TSPAN15: variants seen among roughly 807,000 people sequenced by gnomAD.
TSPAN15 encodes tetraspanin 15.
A neutral mutation model predicts 34.5 loss-of-function variants in TSPAN15; 20 were observed. The ratio of observed to expected loss-of-function variants is 0.58; its 90% CI spans 0.41 to 0.84. The LOEUF (loss-of-function observed/expected upper bound fraction) is 0.84, where lower values mean the gene tolerates loss of function less well. Among genes scored for constraint, TSPAN15 ranks in the 40% least tolerant of loss-of-function variants. The pLI, the probability that TSPAN15 is intolerant of heterozygous loss-of-function variation, is 0.00. For synonymous variants in TSPAN15, 155 were observed against 153.9 expected (o/e 1.01, Z -0.05); for missense variants, 313 against 386.1 (o/e 0.81, Z 1.59).
Position 69,451,646 on chromosome 10 carries a change from C to T in TSPAN15, c.52C>T (p.Leu18Phe). ...GCGCTACTGCGCGCGCTTCTCCTAC[C>T]TCTGGCTCAAGTTTTCACTTATCAT... ...QVRYCARFSY[L>F]WLKFSLIIYS... The change falls in exon 1 of 8, where the codon CTC (leucine) becomes TTC (phenylalanine). Residue 18 changes from leucine to phenylalanine, a missense_variant. Transcript: ENST00000373290. 1 of 1,547,660 alleles carries T rather than the reference C, an allele frequency of 6.5e-7. No individual in the cohort carries two copies. The highest frequency in any genetic ancestry group is 1.4e-5 in the African/African-American group (1 of 72,434).
the TSPAN15 span, chr10:69,523,546 G>T: frequency 2.4e-6 from 1 of 415,438 alleles, no homozygotes. Context: ...CTTCCCAGAG[G>T]CATCTGGGAA....
At chr10:69,455,629 C>CT (rs1177575713) in intron 1 of TSPAN15, among the ~76,000 whole-genome samples, 10 of 101,360 alleles carry the variant, frequency 9.9e-5, no homozygotes, top group Non-Finnish European at 1.7e-4. Context: ...TCTCTCTCCC[C>CT]CCCCCGTCTC....
At chr10:69,527,240 A>G in the TSPAN15 span, among the ~76,000 whole-genome samples, 1 of 147,942 alleles carries the variant, frequency 6.8e-6, no homozygotes, top group Non-Finnish European at 1.5e-5. Context: ...CGTTGGAAAA[A>G]GAATTGTCTT....
chr10:69,504,024 T>C (rs576284594), intron 5 of TSPAN15, among the ~76,000 whole-genome samples: 1 of 152,330 alleles, frequency 6.6e-6, no homozygotes, highest in South Asian at 2.1e-4. Context: ...CAGCTGACCC[T>C]GTGCCAGCTG....
At chr10:69,493,128 C>G (rs1842003032) in intron 3 of TSPAN15, among the ~76,000 whole-genome samples, 1 of 152,242 alleles carries the variant, frequency 6.6e-6, no homozygotes, top group African/African-American at 2.4e-5. Flanking sequence ...GCTGGCCTGT[C>G]CCTTCATCAC....
intron 1 of TSPAN15, among the ~76,000 whole-genome samples, chr10:69,475,802 C>A (rs1841602547): frequency 6.6e-6 from 1 of 152,110 alleles, no homozygotes; most frequent in Non-Finnish European, 1.5e-5. Context: ...CACCTTTGAA[C>A]TGATGAACCC....
Position 69,486,153 on chromosome 10 carries a change from GGCACATAGTGGTCAAGGCCCCACAAGAA to G in TSPAN15, c.357+941_357+968del, listed in dbSNP as rs1841848741. 2.0e-5 allele frequency among the ~76,000 whole-genome samples: 3 copies of G among 152,344 alleles called. No individual in the cohort carries two copies. In the South Asian group the frequency reaches 6.2e-4, roughly 32 times the overall value. On this transcript the variant is annotated intron_variant, in intron 3 of 7. Coordinates refer to ENST00000373290, the MANE Select transcript of TSPAN15 (RefSeq NM_012339.5). ...CCTGTGAAGGACTGGGCACGGTTCT[GGCACATAGTGGTCAAGGCCCCACAAGAA>G]GCTGGTGGTGGAGCAGGGCTGACTC...
the TSPAN15 span, among the ~76,000 whole-genome samples, chr10:69,530,780 C>CTCTCTT: frequency 0.02 from 779 of 39,140 alleles, 66 homozygotes; most frequent in East Asian, 0.043. Context: ...CAGAGTGAGA[C>CTCTCTT]TCTCTCTCTC....
the TSPAN15 span, among the ~76,000 whole-genome samples, chr10:69,522,831 A>G: frequency 5.3e-3 from 782 of 147,934 alleles, 44 homozygotes; most frequent in African/African-American, 0.018. Flanking sequence ...GGGACCGCTG[A>G]GATATATGAT....
At chr10:69,485,008 G>T in intron 2 of TSPAN15, 133 bp from the exon 3 acceptor site, 1 of 824,100 alleles carries the variant, frequency 1.2e-6, no homozygotes, top group East Asian at 2.5e-5. Flanking sequence ...GGGGGCAGAG[G>T]CCTAGGAGCT....
the TSPAN15 span, among the ~76,000 whole-genome samples, chr10:69,538,341 A>G: frequency 1.3e-5 from 2 of 152,162 alleles, no homozygotes; most frequent in Non-Finnish European, 2.9e-5. Flanking sequence ...TCCTCCCAGG[A>G]CCCTGGCTTT....
At chr10:69,535,176 A>G in the TSPAN15 span, among the ~76,000 whole-genome samples, 1 of 152,204 alleles carries the variant, frequency 6.6e-6, no homozygotes, top group Non-Finnish European at 1.5e-5. Context: ...ATAGCACTGA[A>G]ATACCCTTTC....
At position 69,451,475 on chromosome 10, in the gene TSPAN15, G is replaced by T; in HGVS notation, c.-120G>T. The T allele has an allele frequency of 7.7e-7, 1 of 1,301,160 alleles. No homozygotes were observed. Among genetic ancestry groups the T allele is most frequent in the Non-Finnish European group, 9.8e-7 (1 of 1,025,090 alleles). 80.6% of individuals were successfully genotyped at this position (1,301,160 alleles called of 1,614,324 possible). On this transcript the variant is annotated 5_prime_UTR_variant, in exon 1 of 8. Transcript: ENST00000373290. ...TTGCCGCGCTCCAGTGTCAGTCCCG[G>T]AGAGAACGCCGGTGGCGGGGCTGGT...
chr10:69,470,900 T>C (rs2133086905), intron 1 of TSPAN15, among the ~76,000 whole-genome samples: 1 of 152,276 alleles, frequency 6.6e-6, no homozygotes, highest in East Asian at 1.9e-4. Context: ...TCCCCCTTGC[T>C]GTTTCTTGAA....
At chr10:69,530,150 GC>G in the TSPAN15 span, among the ~76,000 whole-genome samples, 3 of 147,516 alleles carry the variant, frequency 2.0e-5, no homozygotes, top group Admixed American at 2.1e-4. Context: ...CAAGGTCATT[GC>G]AAAAGAAGAT....
At chr10:69,483,982 CCTCCTTTAGAGAG>C in intron 2 of TSPAN15, 106 bp downstream of exon 2, 1 of 1,263,936 alleles carries the variant, frequency 7.9e-7, no homozygotes, top group Non-Finnish European at 1.1e-6. Context: ...CCTCAAACCA[CCTCCTTTAGAGAG>C]CTCCTTAGAT....
intron 1 of TSPAN15, among the ~76,000 whole-genome samples, chr10:69,457,468 T>G (rs1841138736): frequency 6.6e-6 from 1 of 152,138 alleles, no homozygotes; most frequent in African/African-American, 2.4e-5. Context: ...GGTAGGACTT[T>G]CAAGTGGGTA....
chr10:69,506,112 C>T lies in TSPAN15; in HGVS notation c.619-12C>T, dbSNP rs770966373. The T allele has an allele frequency of 6.2e-7, 1 of 1,612,476 alleles. No homozygotes were observed. Among genetic ancestry groups the T allele is most frequent in the Admixed American group, 1.7e-5 (1 of 59,952 alleles). ...GTCCTCTGCTGGGCTGACCCAGCTC[C>T]TTCCCATGCAGCGTTTCAGTGTGCA... On this transcript the variant is annotated splice_polypyrimidine_tract_variant and intron_variant, in intron 6 of 7. Transcript: ENST00000373290. The surrounding 1 kb of genome is among the most constrained non-coding windows in gnomAD (Gnocchi z 4.7).
chr10:69,488,498 C>T (rs548698211), intron 3 of TSPAN15, among the ~76,000 whole-genome samples: 3 of 152,254 alleles, frequency 2.0e-5, no homozygotes, highest in South Asian at 4.2e-4. Flanking sequence ...AAAGTCAGAA[C>T]AAGTCATTAG....
Sources: gnomAD v4.1 joint callset for allele counts (sites outside exome capture counted in the v4.1 genomes callset) on GRCh38, gnomAD v4.1.1 for gene constraint, Gnocchi (gnomAD v3.1) non-coding constraint, MANE v1.5 for transcripts, NCBI Gene and HGNC (gene_info 2026-07-23, HGNC 2026-07-21) for gene names.